Variants in CUL1 observed in about 807,000 individuals in gnomAD.
CUL1 encodes the protein cullin-1.
CUL1 carries 24 observed loss-of-function variants against 118.0 expected under a neutral mutation model. The observed-to-expected ratio is 0.20, with a 90% CI of 0.15 to 0.29. The LOEUF (loss-of-function observed/expected upper bound fraction) is 0.29, where lower values mean the gene tolerates loss of function less well. Ranked by LOEUF, CUL1 falls within the 10% of genes least tolerant of loss-of-function variation. The pLI is 1.00. For synonymous variants in CUL1, 332 were observed against 340.4 expected (o/e 0.98, Z 0.27); for missense variants, 361 against 933.8 (o/e 0.39, Z 7.99).
At chr7:148,725,257 C>T (rs537702727) in intron 1 of CUL1, among the ~76,000 whole-genome samples, 106 of 124,426 alleles carry the variant, frequency 8.5e-4, no homozygotes, top group African/African-American at 2.7e-3. Context: ...ACCCGTACCC[C>T]TCTAAACTGG....
chr7:148,757,631 G>T (rs997510545), intron 4 of CUL1, among the ~76,000 whole-genome samples: 10 of 152,132 alleles, frequency 6.6e-5, no homozygotes, highest in Admixed American at 2.6e-4. Context: ...AATGAAAGGG[G>T]TTTTTTTGGT....
At chr7:148,763,422 C>T (rs1563162445) in intron 7 of CUL1, among the ~76,000 whole-genome samples, 1 of 152,136 alleles carries the variant, frequency 6.6e-6, no homozygotes, top group African/African-American at 2.4e-5. Context: ...TGGAATTTGA[C>T]CATGTAATTC....
At chr7:148,739,522 A>G (rs1799072978) in intron 2 of CUL1, among the ~76,000 whole-genome samples, 1 of 152,178 alleles carries the variant, frequency 6.6e-6, no homozygotes, top group Non-Finnish European at 1.5e-5. Context: ...CTCGTTGACC[A>G]TTCGTATGTC....
At chr7:148,725,787 A>G (rs1798561759) in intron 1 of CUL1, among the ~76,000 whole-genome samples, 1 of 152,206 alleles carries the variant, frequency 6.6e-6, no homozygotes, top group African/African-American at 2.4e-5. Context: ...TTAGTTATTA[A>G]TGTTTTAAGT....
intron 1 of CUL1, among the ~76,000 whole-genome samples, chr7:148,709,656 C>T (rs1250686246): frequency 6.6e-6 from 1 of 151,970 alleles, no homozygotes; most frequent in Non-Finnish European, 1.5e-5. Flanking sequence ...AAATATGGAC[C>T]GACTATTGTT....
intron 9 of CUL1, among the ~76,000 whole-genome samples, chr7:148,772,421 A>C (rs1341631265): frequency 4.8e-5 from 3 of 62,554 alleles, no homozygotes; most frequent in African/African-American, 4.1e-4. Context: ...TCTCAAAAAA[A>C]AAACAAAAAA....
intron 9 of CUL1, among the ~76,000 whole-genome samples, chr7:148,768,919 T>C (rs1403794634): frequency 6.6e-6 from 1 of 152,182 alleles, no homozygotes; most frequent in African/African-American, 2.4e-5. Flanking sequence ...TATAAAGCTT[T>C]CCTTTAGGTT....
At chr7:148,754,240 A>T in intron 3 of CUL1, 90 bp downstream of exon 3, 1 of 873,008 alleles carries the variant, frequency 1.1e-6, no homozygotes. Flanking sequence ...TTTCACTGTC[A>T]TCTGTTACTG....
chr7:148,707,317 G>T (rs1797915862), intron 1 of CUL1, among the ~76,000 whole-genome samples: 1 of 152,038 alleles, frequency 6.6e-6, no homozygotes, highest in Admixed American at 6.5e-5. Context: ...AATGAGTATG[G>T]TTATAAGTTT....
At chr7:148,793,659 TATAG>T (rs1214329570) in intron 17 of CUL1, among the ~76,000 whole-genome samples, 1 of 152,266 alleles carries the variant, frequency 6.6e-6, no homozygotes, top group Non-Finnish European at 1.5e-5. Context: ...TAATCCAATG[TATAG>T]ATGGACCACA....
intron 17 of CUL1, among the ~76,000 whole-genome samples, chr7:148,796,849 C>T (rs1213839697): frequency 2.0e-5 from 3 of 152,162 alleles, no homozygotes; most frequent in African/African-American, 7.2e-5. Context: ...GGGCAGTATT[C>T]GAATGGCTGC....
At chr7:148,740,943 A>G (rs764977403) in intron 2 of CUL1, among the ~76,000 whole-genome samples, 2 of 152,202 alleles carry the variant, frequency 1.3e-5, no homozygotes, top group African/African-American at 2.4e-5. Context: ...GTGAGAAAAT[A>G]AATTCCTGTT....
In CUL1 at chr7:148,788,664, A is replaced by G. The variant is rs1312638988; in HGVS notation, c.1587A>G (p.Glu529=). Residue 529 remains glutamate (E), a synonymous_variant, in exon 14 of 22, where the codon GAA becomes GAG. Coordinates refer to ENST00000325222, the MANE Select transcript of CUL1 (RefSeq NM_003592.3). The part of the protein sequence containing the change: ...EQFKKHLTNS[E]PLDLDFSIQV... ...TCAAAAAGCACTTGACAAACTCAGA[A>G]CCCCTAGACTGTGAGTATCCGTGTG... 1 of 1,602,816 alleles carries G rather than the reference A, an allele frequency of 6.2e-7. No homozygotes were observed. Among genetic ancestry groups the G allele is most frequent in the Non-Finnish European group, 8.5e-7 (1 of 1,169,874 alleles).
At chr7:148,761,844 G>A (rs1425841017) in intron 7 of CUL1, among the ~76,000 whole-genome samples, 2 of 152,228 alleles carry the variant, frequency 1.3e-5, no homozygotes, top group Admixed American at 6.5e-5. Context: ...CATCACAGAC[G>A]GTGGCTGGGG....
intron 1 of CUL1, among the ~76,000 whole-genome samples, chr7:148,714,209 G>A (rs1798138409): frequency 6.6e-6 from 1 of 152,162 alleles, no homozygotes; most frequent in African/African-American, 2.4e-5. Context: ...ATAATAGCAT[G>A]CAACCTGATG....
intron 9 of CUL1, among the ~76,000 whole-genome samples, chr7:148,777,506 G>A (rs765667439): frequency 1.5e-4 from 23 of 152,334 alleles, no homozygotes; most frequent in Middle Eastern, 3.4e-3. Context: ...TATTAGTCAT[G>A]TGAGTCCTGG....
In CUL1 at chr7:148,800,232, G is replaced by A. The variant is rs1584829519; in HGVS notation, c.2251-270G>A. On this transcript the variant is annotated intron_variant, in intron 21 of 21. Coordinates refer to ENST00000325222, the MANE Select transcript of CUL1 (RefSeq NM_003592.3). The surrounding 1 kb of genome is among the most constrained non-coding windows in gnomAD (Gnocchi z 4.6). Reference sequence around the variant, plus strand: ...GTGGTAGAAAGGGAGACTGGCCCACGGGGCTCCCGAAGCACCTGACTCCAG... The same window carrying A: ...GTGGTAGAAAGGGAGACTGGCCCACAGGGCTCCCGAAGCACCTGACTCCAG... Among the ~76,000 whole-genome samples the A allele has an allele frequency of 6.6e-6, 1 of 152,176 alleles. No individual in the cohort carries two copies. Among genetic ancestry groups the A allele is most frequent in the Non-Finnish European group, 1.5e-5 (1 of 68,028 alleles).
chr7:148,721,156 G>A (rs967096890), intron 1 of CUL1, among the ~76,000 whole-genome samples: 5 of 152,114 alleles, frequency 3.3e-5, no homozygotes, highest in Non-Finnish European at 5.9e-5. Flanking sequence ...GTTTTCTTAT[G>A]TATGTAGCAA....
intron 1 of CUL1, among the ~76,000 whole-genome samples, chr7:148,705,158 A>T (rs893341782): frequency 1.3e-5 from 2 of 152,192 alleles, no homozygotes; most frequent in Admixed American, 6.5e-5. Flanking sequence ...AAACTGTCCT[A>T]ATCTCATGAA....
Sources: allele counts gnomAD v4.1 joint callset (sites outside exome capture counted in the v4.1 genomes callset), GRCh38; gene constraint gnomAD v4.1.1; non-coding constraint Gnocchi (gnomAD v3.1); transcripts MANE v1.5; gene names NCBI Gene and HGNC (gene_info 2026-07-23, HGNC 2026-07-21).